The following ASIC2 variants were observed in gnomAD, a reference collection of about 807,000 sequenced individuals.
The protein encoded by ASIC2 is acid sensing ion channel subunit 2.
ASIC2 carries 25 observed loss-of-function variants against 57.3 expected under a neutral mutation model. The ratio of observed to expected loss-of-function variants is 0.44; its 90% CI spans 0.32 to 0.61. The LOEUF is 0.61. ASIC2 is among the 20% of genes least tolerant of loss of function. The pLI is 0.06. For synonymous variants in ASIC2, 319 were observed against 307.5 expected, an observed-to-expected ratio of 1.04 and a Z score of -0.39; for missense variants, 641 against 738.1, an observed-to-expected ratio of 0.87 and a Z score of 1.52.
intron 1 of ASIC2, among the ~76,000 whole-genome samples, chr17:33,167,799 C>T (rs1240651870): frequency 7.2e-6 from 1 of 139,620 alleles, no homozygotes; most frequent in East Asian, 1.9e-4. Context: ...CCTTCCTCTG[C>T]CTCTATTTGC....
At chr17:33,278,358 G>C (rs953404546) in intron 1 of ASIC2, among the ~76,000 whole-genome samples, 1 of 151,948 alleles carries the variant, frequency 6.6e-6, no homozygotes, top group Non-Finnish European at 1.5e-5. Context: ...ATAGACTGAC[G>C]TAAAATCAGT....
chr17:33,383,837 C>A (rs959812831), intron 1 of ASIC2, among the ~76,000 whole-genome samples: 3 of 152,140 alleles, frequency 2.0e-5, no homozygotes, highest in African/African-American at 7.2e-5. Context: ...AAAGGGTCAA[C>A]CAATTTAGCA....
intron 1 of ASIC2, among the ~76,000 whole-genome samples, chr17:34,112,999 A>T (rs1438624459): frequency 6.6e-6 from 1 of 152,212 alleles, no homozygotes; most frequent in Non-Finnish European, 1.5e-5. Context: ...GGCATCAGAC[A>T]TGAAACACAT....
At chr17:34,076,180 T>A (rs760755328) in intron 1 of ASIC2, among the ~76,000 whole-genome samples, 6 of 152,042 alleles carry the variant, frequency 3.9e-5, no homozygotes, top group Non-Finnish European at 7.3e-5. Flanking sequence ...TTTTTTCGTA[T>A]TTTTAATAGA....
At chr17:34,044,712 G>T (rs1908272480) in intron 1 of ASIC2, among the ~76,000 whole-genome samples, 1 of 152,138 alleles carries the variant, frequency 6.6e-6, no homozygotes, top group Middle Eastern at 3.2e-3. Context: ...TGTTTGTCTG[G>T]AGTTGAAGGA....
At chr17:33,666,882 T>C (rs570389749) in intron 1 of ASIC2, among the ~76,000 whole-genome samples, 39 of 152,206 alleles carry the variant, frequency 2.6e-4, no homozygotes, top group Non-Finnish European at 4.9e-4. Flanking sequence ...CCAGTTAAAT[T>C]TGAATTTCAG....
At chr17:33,831,106 C>CAAAAAAAAAAAAAAAAA (rs56841196) in intron 1 of ASIC2, among the ~76,000 whole-genome samples, 1 of 22,936 alleles carries the variant, frequency 4.4e-5, no homozygotes, top group African/African-American at 1.8e-4. Flanking sequence ...AAGGCTCTGT[C>CAAAAAAAAAAAAAAAAA]AAAAAAAAAA....
At chr17:33,543,126 G>A (rs990769017) in intron 1 of ASIC2, among the ~76,000 whole-genome samples, 7 of 134,092 alleles carry the variant, frequency 5.2e-5, no homozygotes, top group African/African-American at 2.1e-4. Flanking sequence ...TCACACTCTG[G>A]GGACTGTGGT....
At chr17:33,413,343 A>G (rs1380694088) in intron 1 of ASIC2, among the ~76,000 whole-genome samples, 1 of 152,244 alleles carries the variant, frequency 6.6e-6, no homozygotes, top group Non-Finnish European at 1.5e-5. Flanking sequence ...GATTAAAGCC[A>G]TTAGCACCAA....
At chr17:33,649,251 CTA>C (rs1906845666) in intron 1 of ASIC2, among the ~76,000 whole-genome samples, 2 of 152,258 alleles carry the variant, frequency 1.3e-5, no homozygotes, top group African/African-American at 4.8e-5. Context: ...AACTGTATTT[CTA>C]TATACTAACA....
intron 3 of ASIC2, among the ~76,000 whole-genome samples, chr17:33,088,375 C>T (rs1035074068): frequency 1.3e-5 from 2 of 152,146 alleles, no homozygotes; most frequent in Admixed American, 6.5e-5. Flanking sequence ...CTGAGGTCCC[C>T]TCCCCAGCGC....
At chr17:33,838,760 C>G (rs755994752) in intron 1 of ASIC2, among the ~76,000 whole-genome samples, 1 of 152,130 alleles carries the variant, frequency 6.6e-6, no homozygotes, top group African/African-American at 2.4e-5. Context: ...ATTAAAATCA[C>G]CTGGGGAGCT....
chr17:33,506,885 G>GA (rs1379311989), intron 1 of ASIC2, among the ~76,000 whole-genome samples: 1 of 152,340 alleles, frequency 6.6e-6, no homozygotes, highest in East Asian at 1.9e-4. Flanking sequence ...GTCCACTGAG[G>GA]AAATGTAAGC....
At chr17:33,484,247 T>G (rs911914932) in intron 1 of ASIC2, among the ~76,000 whole-genome samples, 1 of 152,228 alleles carries the variant, frequency 6.6e-6, no homozygotes, top group African/African-American at 2.4e-5. Context: ...CGACACATTT[T>G]ATTCATAAGT....
chr17:33,573,298 T>A (rs1323609781), intron 1 of ASIC2, among the ~76,000 whole-genome samples: 2 of 152,176 alleles, frequency 1.3e-5, no homozygotes, highest in African/African-American at 2.4e-5. Context: ...TAACTTTATT[T>A]ATAAGTATAT....
intron 1 of ASIC2, among the ~76,000 whole-genome samples, chr17:33,429,140 A>G (rs942741915): frequency 1.8e-4 from 27 of 152,282 alleles, no homozygotes; most frequent in African/African-American, 6.5e-4. Context: ...GCTAGTACCA[A>G]CTTGCATCTG....
intron 1 of ASIC2, among the ~76,000 whole-genome samples, chr17:33,597,692 G>T (rs977768382): frequency 6.6e-6 from 1 of 152,144 alleles, no homozygotes; most frequent in Non-Finnish European, 1.5e-5. Flanking sequence ...CGATGGAAGA[G>T]ACTTTAGAGT....
intron 1 of ASIC2, among the ~76,000 whole-genome samples, chr17:33,658,516 G>A (rs1273394596): frequency 6.6e-6 from 1 of 152,184 alleles, no homozygotes; most frequent in Non-Finnish European, 1.5e-5. Context: ...CAGAAATTTA[G>A]TGCTCACAGT....
intron 1 of ASIC2, among the ~76,000 whole-genome samples, chr17:33,875,589 TG>T (rs1914526358): frequency 6.6e-6 from 1 of 152,192 alleles, no homozygotes; most frequent in African/African-American, 2.4e-5. Flanking sequence ...TCAGAGACTT[TG>T]GGGAGCCAAG....
Sources: allele counts gnomAD v4.1 joint callset (sites outside exome capture counted in the v4.1 genomes callset), GRCh38; gene constraint gnomAD v4.1.1; transcripts MANE v1.5; gene names NCBI Gene and HGNC (gene_info 2026-07-23, HGNC 2026-07-21).